PALLD: variants seen among roughly 807,000 people sequenced by gnomAD.
The protein encoded by PALLD is palladin.
A neutral mutation model predicts 123.5 loss-of-function variants in PALLD; 61 were observed. The observed-to-expected ratio is 0.49, with a 90% CI of 0.40 to 0.61. The LOEUF (loss-of-function observed/expected upper bound fraction) is 0.61, where lower values mean the gene tolerates loss of function less well. Ranked by LOEUF, PALLD falls within the 20% of genes least tolerant of loss-of-function variation. The probability of loss-of-function intolerance (pLI) is 0.00; values close to 1 mark genes in which losing one functional copy is unlikely to be tolerated. For synonymous variants in PALLD, 465 were observed against 496.4 expected, an observed-to-expected ratio of 0.94 and a Z score of 0.84; for missense variants, 1,273 against 1,377.0, an observed-to-expected ratio of 0.92 and a Z score of 1.20.
chr4:168,753,015 A>G (rs1487670470), intron 10 of PALLD, among the ~76,000 whole-genome samples: 2 of 152,184 alleles, frequency 1.3e-5, no homozygotes. Flanking sequence ...AAGCTAAACT[A>G]TATTAAGAGT....
chr4:168,754,337 A>T (rs1461261947), intron 10 of PALLD, among the ~76,000 whole-genome samples: 1 of 152,182 alleles, frequency 6.6e-6, no homozygotes, highest in Non-Finnish European at 1.5e-5. Context: ...TATACCTTTT[A>T]GTTAACTTCC....
At chr4:168,506,561 C>G (rs145404270) in intron 1 of PALLD, among the ~76,000 whole-genome samples, 3 of 152,230 alleles carry the variant, frequency 2.0e-5, no homozygotes, top group African/African-American at 7.2e-5. Flanking sequence ...ATCATCCCCG[C>G]TTTTTTACAT....
rs1757065691 is a variant in PALLD, at chr4:168,903,847, A to T, written c.2563A>T (p.Thr855Ser). Residue 855 changes from threonine (T) to serine (S), a missense_variant, in exon 15 of 22, where the codon ACC becomes TCC. By Grantham distance (58) the Thr-to-Ser change is moderately conservative. Coordinates refer to ENST00000505667, the MANE Select transcript of PALLD (RefSeq NM_001166108.2). ...RDLDGTCSLH[T>S]TASTLDDDGN... ...TCTCGATGGGACCTGCTCCCTCCAT[A>T]CCACAGCCTCCACCCTAGATGATGA... 6.2e-7 allele frequency: 1 copy of T among 1,613,762 alleles called. No homozygotes were observed.
In PALLD at chr4:168,759,202, A is replaced by AATATAT. The variant is rs147474708; in HGVS notation, c.1964+47317_1964+47322dup. Reference sequence around the variant, plus strand: ...CTCAAAAAAAAAAAAAAAAAAAAAAAATATATATATATATATATATATATA... The same window carrying AATATAT: ...CTCAAAAAAAAAAAAAAAAAAAAAAAATATATATATATATATATATATATATATATA... On this transcript the variant is annotated intron_variant, in intron 10 of 21. Transcript: ENST00000505667. 8.9e-3 allele frequency among the ~76,000 whole-genome samples: 196 copies of AATATAT among 22,096 alleles called. 1 individual carries two copies. Among genetic ancestry groups the AATATAT allele is most frequent in the Non-Finnish European group, 0.013 (149 of 11,300 alleles). 14.5% of individuals were successfully genotyped at this position (22,096 alleles called of 152,430 possible). A position where few individuals can be genotyped will look rare whatever the true frequency, so the allele number is the denominator to read the frequency against.
rs1416188948 is a variant in PALLD at position 168,497,208 on chromosome 4, A to G, written c.-83+14A>G. On this transcript the variant is annotated intron_variant, in intron 1 of 21. Transcript: ENST00000505667. ...AGCATTGAAAAGGTCTGTAAGGTGTATCTTAATATACTAACTAGTAGGGCA... is the reference window on the plus strand; with the variant it reads ...AGCATTGAAAAGGTCTGTAAGGTGTGTCTTAATATACTAACTAGTAGGGCA... The G allele has an allele frequency of 2.0e-5, 3 of 152,016 alleles. No individual in the cohort carries two copies. The highest frequency in any genetic ancestry group is 4.4e-5 in the Non-Finnish European group (3 of 68,012). The allele number at this position is 152,016 out of a possible 1,614,324, so 9.4% of individuals were successfully genotyped here.
At chr4:168,698,234 A>G (rs1340686487) in intron 8 of PALLD, among the ~76,000 whole-genome samples, 1 of 152,194 alleles carries the variant, frequency 6.6e-6, no homozygotes, top group Non-Finnish European at 1.5e-5. Context: ...GGAGATGCAG[A>G]TGGTTAATTG....
chr4:168,661,139 C>A (rs879717532), intron 2 of PALLD, among the ~76,000 whole-genome samples: 1 of 152,086 alleles, frequency 6.6e-6, no homozygotes, highest in African/African-American at 2.4e-5. Flanking sequence ...GAACTCCTGA[C>A]CTTGTGATCT....
intron 10 of PALLD, among the ~76,000 whole-genome samples, chr4:168,841,908 C>G (rs1020924085): frequency 6.6e-6 from 1 of 152,186 alleles, no homozygotes; most frequent in African/African-American, 2.4e-5. Context: ...GATTTCCTAT[C>G]CTATGTAGTC....
At chr4:168,823,270 G>A (rs780289585) in intron 10 of PALLD, among the ~76,000 whole-genome samples, 13 of 152,114 alleles carry the variant, frequency 8.5e-5, no homozygotes, top group African/African-American at 2.2e-4. Context: ...GAGACTTCAC[G>A]GAACCATAGC....
intron 8 of PALLD, chr4:168,700,550 G>A (rs925530520): frequency 1.3e-5 from 2 of 152,092 alleles, no homozygotes; most frequent in African/African-American, 2.4e-5. Context: ...CAAAGCAAGT[G>A]TTTTTTTCCT....
intron 10 of PALLD, among the ~76,000 whole-genome samples, chr4:168,723,891 CT>C (rs59055427): frequency 0.083 from 9,238 of 111,620 alleles, 185 homozygotes; most frequent in South Asian, 0.12. Context: ...TTGAGTTGGG[CT>C]TTTTTTTTTT....
intron 2 of PALLD, among the ~76,000 whole-genome samples, chr4:168,633,262 A>T (rs1027718148): frequency 2.0e-5 from 3 of 152,222 alleles, no homozygotes; most frequent in Non-Finnish European, 4.4e-5. Flanking sequence ...AATGGCAAAC[A>T]GGTTATTTTC....
At chr4:168,709,559 GAA>G (rs1306695516) in intron 9 of PALLD, among the ~76,000 whole-genome samples, 71 of 574 alleles carry the variant, frequency 0.12, 3 homozygotes, top group Non-Finnish European at 0.15. Context: ...AGGAAGGAAG[GAA>G]GGAAGGAAGG....
chr4:168,883,896 G>A (rs1304653793), intron 10 of PALLD, among the ~76,000 whole-genome samples: 8 of 150,826 alleles, frequency 5.3e-5, no homozygotes, highest in African/African-American at 1.9e-4. Context: ...TCTGGTTTTG[G>A]TAACTACTAA....
intron 10 of PALLD, among the ~76,000 whole-genome samples, chr4:168,813,220 G>T (rs1211307030): frequency 6.6e-6 from 1 of 152,124 alleles, no homozygotes; most frequent in Non-Finnish European, 1.5e-5. Context: ...CCTGTAGAAG[G>T]TAAGGAGGAG....
intron 10 of PALLD, among the ~76,000 whole-genome samples, chr4:168,843,733 G>A (rs1301806756): frequency 6.6e-6 from 1 of 152,090 alleles, no homozygotes; most frequent in Non-Finnish European, 1.5e-5. Context: ...GTATTCTGTG[G>A]GGCAAGCAGA....
intron 3 of PALLD, among the ~76,000 whole-genome samples, chr4:168,680,339 T>A (rs1781421378): frequency 6.6e-6 from 1 of 150,642 alleles, no homozygotes; most frequent in Admixed American, 6.6e-5. Flanking sequence ...AATACAAAAA[T>A]TAGCAGGGCG....
intron 10 of PALLD, among the ~76,000 whole-genome samples, chr4:168,855,441 AC>A (rs1325994930): frequency 1.3e-5 from 2 of 152,230 alleles, no homozygotes; most frequent in Non-Finnish European, 2.9e-5. Flanking sequence ...TGTAAGTGGT[AC>A]GTCTATCTTA....
chr4:168,527,422 C>CAGAA (rs1764164411), intron 2 of PALLD, among the ~76,000 whole-genome samples: 1 of 52,916 alleles, frequency 1.9e-5, no homozygotes, highest in African/African-American at 1.1e-4. Flanking sequence ...AACTCCATCT[C>CAGAA]AAAAAAAAAA....
Sources: gnomAD v4.1 joint callset for allele counts (sites outside exome capture counted in the v4.1 genomes callset) on GRCh38, gnomAD v4.1.1 for gene constraint, MANE v1.5 for transcripts, NCBI Gene and HGNC (gene_info 2026-07-23, HGNC 2026-07-21) for gene names.